ZSCAN22: variants seen among roughly 807,000 people sequenced by gnomAD.
ZSCAN22 encodes zinc finger and SCAN domain containing 22.
ZSCAN22 carries 7 observed loss-of-function variants against 12.4 expected under a neutral mutation model. The ratio of observed to expected loss-of-function variants is 0.57; its 90% CI spans 0.32 to 1.06. The LOEUF (loss-of-function observed/expected upper bound fraction) is 1.06, where lower values mean the gene tolerates loss of function less well. Among genes scored for constraint, ZSCAN22 ranks in the 50% least tolerant of loss-of-function variants. The pLI is 0.04. For missense variants in ZSCAN22, 576 were observed against 631.7 expected (o/e 0.91, Z 0.94); for synonymous variants, 243 against 255.9 (o/e 0.95, Z 0.48).
At chr19:58,336,256 T>G (rs915888473) in intron 2 of ZSCAN22, among the ~76,000 whole-genome samples, 1 of 152,016 alleles carries the variant, frequency 6.6e-6, no homozygotes, top group African/African-American at 2.4e-5. Context: ...CTGGCACAGA[T>G]TAAATAAATG....
intron 1 of ZSCAN22, among the ~76,000 whole-genome samples, chr19:58,328,180 T>C (rs1023382814): frequency 6.6e-6 from 1 of 152,162 alleles, no homozygotes; most frequent in Admixed American, 6.5e-5. Flanking sequence ...TGATTATAGG[T>C]GACATTGAGA....
rs144639809 is a variant in ZSCAN22, at chr19:58,328,400, T to G, written c.-52+1286T>G. Among the ~76,000 whole-genome samples, 282 of 152,340 alleles carry G rather than the reference T, an allele frequency of 1.9e-3. 1 individual carries two copies. The highest frequency in any genetic ancestry group is 6.5e-3 in the African/African-American group (272 of 41,576). Reference sequence around the variant, plus strand: ...ACTAGTGGTCATTCAGCTGGGCTTATGGATATGTCCCCCAGTGTTTGCTTA... The same window carrying G: ...ACTAGTGGTCATTCAGCTGGGCTTAGGGATATGTCCCCCAGTGTTTGCTTA... On this transcript the variant is annotated intron_variant, in intron 1 of 2. Coordinates refer to ENST00000329665, the MANE Select transcript of ZSCAN22 (RefSeq NM_181846.3).
rs1234177485 is a variant in ZSCAN22, at chr19:58,334,764, G to A, written c.-39G>A. ...GACATTCCTGCAGGCCCAGTTCCAA[G>A]GCTCCGGCATCCTGTGTCTCACTGA... is the stretch of plus-strand genomic sequence containing the variant. On this transcript the variant is annotated 5_prime_UTR_variant, in exon 2 of 3. Transcript: ENST00000329665. The A allele has an allele frequency of 1.3e-6, 2 of 1,536,782 alleles. No homozygotes were observed. Among genetic ancestry groups the A allele is most frequent in the Non-Finnish European group, 1.8e-6 (2 of 1,140,520 alleles).
intron 2 of ZSCAN22, among the ~76,000 whole-genome samples, chr19:58,336,136 C>A (rs1019133844): frequency 6.6e-6 from 1 of 152,188 alleles, no homozygotes; most frequent in African/African-American, 2.4e-5. Flanking sequence ...CCATGTGACT[C>A]CCTTGTGCCT....
rs2051827150 is a variant in ZSCAN22 at position 58,338,590 on chromosome 19, A to G, written c.740A>G (p.Lys247Arg). 2 of 1,614,188 alleles carry G rather than the reference A, an allele frequency of 1.2e-6. No individual in the cohort carries two copies. The highest frequency in any genetic ancestry group is 1.3e-5 in the African/African-American group (1 of 75,054). The change falls in exon 3 of 3, where the codon AAA becomes AGA. Residue 247 changes from lysine (K) to arginine (R), a missense_variant. By Grantham distance (26) the Lys-to-Arg change is conservative (BLOSUM62 2). Transcript: ENST00000329665. This position sits in a 1 kb window ranked among gnomAD's most constrained non-coding sequence, Gnocchi z 5.4. ...TSQEKPPSED[K>R]FDLVDAYGTE... ...CAAGAGAAGCCTCCTTCAGAAGACA[A>G]ATTTGATCTGGTGGATGCTTATGGG... is the stretch of plus-strand genomic sequence containing the variant.
intron 1 of ZSCAN22, among the ~76,000 whole-genome samples, chr19:58,327,331 C>CCT: frequency 6.6e-6 from 1 of 152,152 alleles, no homozygotes; most frequent in East Asian, 1.9e-4. Context: ...GTGGACGGAC[C>CCT]GTGTGTGCAC....
chr19:58,332,268 CTTT>C (rs35345104), intron 1 of ZSCAN22, among the ~76,000 whole-genome samples: 2 of 81,674 alleles, frequency 2.4e-5, no homozygotes, highest in South Asian at 4.3e-4. Flanking sequence ...CACTAATATG[CTTT>C]TTTTTTTTTT....
In ZSCAN22 at chr19:58,333,374, A is replaced by G. The variant is rs184388839; in HGVS notation, c.-51-1378A>G. On this transcript the variant is annotated intron_variant, in intron 1 of 2. Transcript: ENST00000329665. ...CATTATTTTCAAGTATTCATGGAACATTAACCAAAATTAACCATACACTGG... is the reference window on the plus strand; with the variant it reads ...CATTATTTTCAAGTATTCATGGAACGTTAACCAAAATTAACCATACACTGG... Among the ~76,000 whole-genome samples, 575 of 152,366 alleles carry G rather than the reference A, an allele frequency of 3.8e-3. 4 individuals are homozygous for G. Among genetic ancestry groups the G allele is most frequent in the African/African-American group, 0.013 (557 of 41,576 alleles).
Position 58,340,741 on chromosome 19 carries a change from C to A in ZSCAN22, c.*1415C>A, listed in dbSNP as rs886398957. The A allele has an allele frequency of 6.6e-6, 1 of 151,752 alleles. No individual in the cohort carries two copies. The highest frequency in any genetic ancestry group is 1.5e-5 in the Non-Finnish European group (1 of 68,008). The allele number at this position is 151,752 out of a possible 1,614,324, so 9.4% of individuals were successfully genotyped here. On this transcript the variant is annotated 3_prime_UTR_variant, in exon 3 of 3. Transcript: ENST00000329665. The stretch of plus-strand genomic sequence containing the variant: ...CCTCGTGATCCACCCGCCTCGGCCT[C>A]CCAAAGTGCTGGGATTACAGGCGTG...
chr19:58,330,015 G>A (rs1600483767), intron 1 of ZSCAN22, among the ~76,000 whole-genome samples: 3 of 152,196 alleles, frequency 2.0e-5, no homozygotes, highest in South Asian at 2.1e-4. Flanking sequence ...GCGGCCAGGC[G>A]CAGTGGCTCA....
intron 2 of ZSCAN22, among the ~76,000 whole-genome samples, chr19:58,337,157 A>C: frequency 6.6e-6 from 1 of 152,192 alleles, no homozygotes; most frequent in East Asian, 1.9e-4. Flanking sequence ...TGGGTACCTC[A>C]TGTACTCACC....
rs551529141 is a variant in ZSCAN22, at chr19:58,341,455, G to A, written c.*2129G>A. The A allele has an allele frequency of 1.6e-4, 25 of 152,278 alleles. No homozygotes were observed. Among genetic ancestry groups the A allele is most frequent in the Admixed American group, 7.8e-4 (12 of 15,290 alleles). 9.4% of individuals were successfully genotyped at this position (152,278 alleles called of 1,614,324 possible). On this transcript the variant is annotated 3_prime_UTR_variant, in exon 3 of 3. Transcript: ENST00000329665. ...TGGTCTCATCATATGTGAACCATTT[G>A]ACCTGGCGTATTGTGTACTAGTCAC...
chr19:58,334,754 C>T lies in ZSCAN22; in HGVS notation c.-49C>T, dbSNP rs145780820. The T allele has an allele frequency of 1.9e-3, 2,864 of 1,518,342 alleles. 2 individuals carry two copies. Among genetic ancestry groups the T allele is most frequent in the Non-Finnish European group, 2.0e-3 (2,233 of 1,132,100 alleles). 94.1% of individuals were successfully genotyped at this position (1,518,342 alleles called of 1,614,324 possible). ...CTGAAGCTCTGACATTCCTGCAGGC[C>T]CAGTTCCAAGGCTCCGGCATCCTGT... On this transcript the variant is annotated splice_region_variant and 5_prime_UTR_variant, in exon 2 of 3. Coordinates refer to ENST00000329665, the MANE Select transcript of ZSCAN22 (RefSeq NM_181846.3).
chr19:58,334,776 CTG>C lies in ZSCAN22; in HGVS notation c.-23_-22del. On this transcript the variant is annotated 5_prime_UTR_variant, in exon 2 of 3. Transcript: ENST00000329665. Reference sequence around the variant, plus strand: ...GGCCCAGTTCCAAGGCTCCGGCATCCTGTGTCTCACTGAGCACTGCTGCCCGA... The same window carrying C: ...GGCCCAGTTCCAAGGCTCCGGCATCCTGTCTCACTGAGCACTGCTGCCCGA... 2 of 1,561,126 alleles carry C rather than the reference CTG, an allele frequency of 1.3e-6. No individual in the cohort carries two copies. The highest frequency in any genetic ancestry group is 4.5e-5 in the East Asian group (2 of 44,102).
chr19:58,338,047 C>T lies in ZSCAN22; in HGVS notation c.404-207C>T, dbSNP rs2051818125. 6.6e-6 allele frequency among the ~76,000 whole-genome samples: 1 copy of T among 152,220 alleles called. No homozygotes were observed. The highest frequency in any genetic ancestry group is 2.4e-5 in the African/African-American group (1 of 41,462). On this transcript the variant is annotated intron_variant, in intron 2 of 2. Transcript: ENST00000329665. This position sits in a 1 kb window ranked among gnomAD's most constrained non-coding sequence, Gnocchi z 5.4. Reference sequence around the variant, plus strand: ...TTGGTGGGAGGAGGAGAAATCAGAACCCATGGTGTAGTTTTGGATGGTGTG... The same window carrying T: ...TTGGTGGGAGGAGGAGAAATCAGAATCCATGGTGTAGTTTTGGATGGTGTG...
chr19:58,339,058 C>A lies in ZSCAN22; in HGVS notation c.1208C>A (p.Thr403Asn). 1 of 1,614,208 alleles carries A rather than the reference C, an allele frequency of 6.2e-7. No homozygotes were observed. Residue 403 changes from threonine (T) to asparagine (N), a missense_variant, in exon 3 of 3, where the codon ACC (threonine) becomes AAC (asparagine). Transcript: ENST00000329665. This position sits in a 1 kb window ranked among gnomAD's most constrained non-coding sequence, Gnocchi z 5.6. ...CTGACTCAACACCAGCGCATCCACACCGGGGAGAAGCCCTACAAGTGTGAC... is the reference window on the plus strand; with the variant it reads ...CTGACTCAACACCAGCGCATCCACAACGGGGAGAAGCCCTACAAGTGTGAC... ...THLTQHQRIH[T>N]GEKPYKCDAC...
rs917052152 is a variant in ZSCAN22, at chr19:58,339,474, C to T, written c.*148C>T. 2.8e-6 allele frequency: 2 copies of T among 722,488 alleles called. No individual in the cohort carries two copies. Among genetic ancestry groups the T allele is most frequent in the African/African-American group, 3.6e-5 (2 of 56,082 alleles). 44.8% of individuals were successfully genotyped at this position (722,488 alleles called of 1,614,324 possible). The stretch of plus-strand genomic sequence containing the variant: ...GTGCCTGAGGGCAGACTCGGGCTGT[C>T]TAGGAACCACTCTGCATTTGAGGAA... On this transcript the variant is annotated 3_prime_UTR_variant, in exon 3 of 3. Coordinates refer to ENST00000329665, the MANE Select transcript of ZSCAN22 (RefSeq NM_181846.3). The surrounding 1 kb of genome is among the most constrained non-coding windows in gnomAD (Gnocchi z 5.6).
Position 58,329,285 on chromosome 19 carries a change from C to G in ZSCAN22, c.-52+2171C>G, listed in dbSNP as rs1310449060. On this transcript the variant is annotated intron_variant, in intron 1 of 2. Transcript: ENST00000329665. This position sits in a 1 kb window ranked among gnomAD's most constrained non-coding sequence, Gnocchi z 4.1. ...GTTCTCTTCTTCCTGTGCCCAAGGC[C>G]ATTGCTCTTTCTCAGGCCTCCTGCA... is the stretch of plus-strand genomic sequence containing the variant. Among the ~76,000 whole-genome samples the G allele has an allele frequency of 6.6e-6, 1 of 152,212 alleles. No individual in the cohort carries two copies. The highest frequency in any genetic ancestry group is 1.5e-5 in the Non-Finnish European group (1 of 68,046).
Position 58,340,449 on chromosome 19 carries a change from C to G in ZSCAN22, c.*1123C>G, listed in dbSNP as rs1271967158. On this transcript the variant is annotated 3_prime_UTR_variant, in exon 3 of 3. Transcript: ENST00000329665. ...GTGCCTTTGTACCTGTGCCTGGAAC[C>G]CTCCTCTTCTTTTTCTTTTTCTTTT... 1 of 155,038 alleles carries G rather than the reference C, an allele frequency of 6.5e-6. No homozygotes were observed. Among genetic ancestry groups the G allele is most frequent in the Non-Finnish European group, 1.4e-5 (1 of 71,822 alleles). The allele number at this position is 155,038 out of a possible 1,614,324, so 9.6% of individuals were successfully genotyped here.
Sources: allele counts gnomAD v4.1 joint callset (sites outside exome capture counted in the v4.1 genomes callset), GRCh38; gene constraint gnomAD v4.1.1; non-coding constraint Gnocchi (gnomAD v3.1); transcripts MANE v1.5; gene names NCBI Gene and HGNC (gene_info 2026-07-23, HGNC 2026-07-21).